Variants in CCNB1IP1 observed in about 807,000 individuals in gnomAD.
CCNB1IP1 encodes cyclin B1 interacting protein 1.
A neutral mutation model predicts 25.6 loss-of-function variants in CCNB1IP1; 14 were observed. The observed-to-expected ratio is 0.55, with a 90% confidence interval of 0.36 to 0.85. CCNB1IP1 has a LOEUF of 0.85. CCNB1IP1 is among the 40% of genes least tolerant of loss of function. CCNB1IP1 has a pLI of 0.01. For missense variants in CCNB1IP1, 278 were observed against 342.4 expected, an observed-to-expected ratio of 0.81 and a Z score of 1.48; for synonymous variants, 119 against 116.1, an observed-to-expected ratio of 1.02 and a Z score of -0.16.
chr14:20,324,189 T>A (rs993545096), intron 4 of CCNB1IP1, among the ~76,000 whole-genome samples: 1 of 152,026 alleles, frequency 6.6e-6, no homozygotes, highest in Non-Finnish European at 1.5e-5. Context: ...AAACAAAGAA[T>A]TTCCTCTTTT....
At chr14:20,315,873 G>A (rs1000090583) in intron 5 of CCNB1IP1, 8 of 603,442 alleles carry the variant, frequency 1.3e-5, no homozygotes, top group Admixed American at 5.9e-5. Flanking sequence ...AGAAAACCCC[G>A]TCTCAAAAGG....
At chr14:20,317,058 G>A (rs770174033) in intron 4 of CCNB1IP1, among the ~76,000 whole-genome samples, 30 of 151,964 alleles carry the variant, frequency 2.0e-4, no homozygotes, top group Non-Finnish European at 3.4e-4. Context: ...GCAGTGAAGT[G>A]AGATCGCATC....
In CCNB1IP1 at chr14:20,313,692, A is replaced by C; in HGVS notation, c.407T>G (p.Leu136Trp). The change falls in exon 6 of 7, where the codon TTG becomes TGG. Residue 136 changes from leucine (L) to tryptophan (W), a missense_variant. Transcript: ENST00000358932. Reference sequence around the variant, plus strand: ...GGTAACCTCCCCTTTCATAGAGGTCAATTCTACATCCTTGCTTTGTATTTG... The same window carrying C: ...GGTAACCTCCCCTTTCATAGAGGTCCATTCTACATCCTTGCTTTGTATTTG... Reference protein sequence around the residue: ...TQQIQSKDVELTSMKGEVTSM... With the variant: ...TQQIQSKDVEWTSMKGEVTSM... 1 of 1,614,164 alleles carries C rather than the reference A, an allele frequency of 6.2e-7. No homozygotes were observed.
intron 4 of CCNB1IP1, chr14:20,320,182 G>T: frequency 8.6e-6 from 3 of 349,178 alleles, no homozygotes; most frequent in Admixed American, 3.7e-5. Flanking sequence ...TTGTACTTAT[G>T]TCTACTCCAA....
chr14:20,313,935 G>C, intron 5 of CCNB1IP1, 134 bp from the exon 6 acceptor site: 1 of 615,784 alleles, frequency 1.6e-6, no homozygotes, highest in Non-Finnish European at 2.6e-6. Flanking sequence ...CCCAGTTTAA[G>C]AAGCAATCAG....
intron 6 of CCNB1IP1, among the ~76,000 whole-genome samples, chr14:20,312,400 G>C (rs918839946): frequency 6.7e-6 from 1 of 149,500 alleles, no homozygotes; most frequent in Non-Finnish European, 1.5e-5. Context: ...TTTTTTTGTA[G>C]AGACAGGGTC....
At chr14:20,321,457 CTT>C (rs35540185) in intron 4 of CCNB1IP1, among the ~76,000 whole-genome samples, 265 of 147,014 alleles carry the variant, frequency 1.8e-3, no homozygotes, top group African/African-American at 5.9e-3. Flanking sequence ...TTTCAAGAAT[CTT>C]TTTTTTTTTT....
intron 6 of CCNB1IP1, 27 bp from the exon 7 acceptor site, chr14:20,311,779 A>C: frequency 6.7e-7 from 1 of 1,493,222 alleles, no homozygotes. Flanking sequence ...GGAAAAACAT[A>C]ATTTTATTCA....
Position 20,316,262 on chromosome 14 carries a change from T to C in CCNB1IP1, c.262A>G (p.Ile88Val), listed in dbSNP as rs778271213. ...AGLRPEIVLDISSRALAFWTY... is the reference protein window; with the variant it reads ...AGLRPEIVLDVSSRALAFWTY... ...CAGAAGGCCAGCGCTCGGGAGCTAATGTCCAACACGATCTCTGGTCGCAGT... is the reference window on the plus strand; with the variant it reads ...CAGAAGGCCAGCGCTCGGGAGCTAACGTCCAACACGATCTCTGGTCGCAGT... Residue 88 changes from isoleucine (I) to valine (V), a missense_variant, in exon 5 of 7, where the codon ATT becomes GTT. Transcript: ENST00000358932. 10 of 1,613,988 alleles carry C rather than the reference T, an allele frequency of 6.2e-6. No individual in the cohort carries two copies. Among genetic ancestry groups the C allele is most frequent in the South Asian group, 4.4e-5 (4 of 91,080 alleles).
chr14:20,311,479 G>A lies in CCNB1IP1; in HGVS notation c.*71C>T. 2 of 1,338,680 alleles carry A rather than the reference G, an allele frequency of 1.5e-6. No individual in the cohort carries two copies. Among genetic ancestry groups the A allele is most frequent in the Non-Finnish European group, 1.1e-6 (1 of 933,672 alleles). 82.9% of individuals were successfully genotyped at this position (1,338,680 alleles called of 1,614,324 possible). A position where few individuals can be genotyped will look rare whatever the true frequency, so the allele number is the denominator to read the frequency against. ...AGATCACTAAAGCCTCAGACTCCTG[G>A]GCTCAAGTGATCCTCCCAGCCTCAA... On this transcript the variant is annotated 3_prime_UTR_variant, in exon 7 of 7. Transcript: ENST00000358932.
Position 20,311,504 on chromosome 14 carries a change from A to T in CCNB1IP1, c.*46T>A, listed in dbSNP as rs1434683077. On this transcript the variant is annotated 3_prime_UTR_variant, in exon 7 of 7. Coordinates refer to ENST00000358932, the MANE Select transcript of CCNB1IP1 (RefSeq NM_021178.5). Reference sequence around the variant, plus strand: ...GGCTCAAGTGATCCTCCCAGCCTCAACCTCCTAAGTAGCTGGGATCACAGG... The same window carrying T: ...GGCTCAAGTGATCCTCCCAGCCTCATCCTCCTAAGTAGCTGGGATCACAGG... The T allele has an allele frequency of 2.6e-6, 4 of 1,536,150 alleles. No individual in the cohort carries two copies. In the African/African-American group the frequency reaches 5.5e-5, roughly 21 times the overall value.
chr14:20,320,208 T>G (rs1405092140), intron 4 of CCNB1IP1: 2 of 413,616 alleles, frequency 4.8e-6, no homozygotes, highest in Non-Finnish European at 9.7e-6. Flanking sequence ...TACTCTTGTT[T>G]TCAATAATTC....
intron 4 of CCNB1IP1, chr14:20,317,925 A>G (rs1430813270): frequency 6.6e-6 from 1 of 152,244 alleles, no homozygotes; most frequent in African/African-American, 2.4e-5. Flanking sequence ...GGTTGCCCCG[A>G]AGCATCCTGG....
intron 5 of CCNB1IP1, chr14:20,315,971 AGAGTGTGT>A (rs1480767602): frequency 8.5e-5 from 40 of 472,580 alleles, no homozygotes; most frequent in South Asian, 5.1e-4. Context: ...GAAGAGAGAG[AGAGTGTGT>A]GAGTGTGTGT....
intron 4 of CCNB1IP1, 75 bp from the exon 5 acceptor site, chr14:20,316,635 G>A: frequency 1.3e-6 from 1 of 747,730 alleles, no homozygotes; most frequent in Non-Finnish European, 2.1e-6. Flanking sequence ...AATATAACAT[G>A]CACGTTTTTA....
chr14:20,316,037 TTA>T (rs1419121666), intron 5 of CCNB1IP1, among the ~76,000 whole-genome samples, 188 bp downstream of exon 5: 2 of 152,204 alleles, frequency 1.3e-5, no homozygotes, highest in African/African-American at 4.8e-5. Context: ...AGTGATGGAA[TTA>T]TGAGTGCTTT....
chr14:20,317,967 A>G (rs1882769254), intron 4 of CCNB1IP1: 1 of 152,264 alleles, frequency 6.6e-6, no homozygotes. Flanking sequence ...TGCGGGCCGC[A>G]GCTCCGGCTA....
At chr14:20,311,777 A>G (rs757865182) in intron 6 of CCNB1IP1, 25 bp from the exon 7 acceptor site, 27 of 1,515,976 alleles carry the variant, frequency 1.8e-5, no homozygotes, top group Admixed American at 5.1e-5. Flanking sequence ...AAGGAAAAAC[A>G]TAATTTTATT....
At chr14:20,333,215 T>C (rs1195817547) in intron 1 of CCNB1IP1, 39 bp downstream of exon 1, 1 of 152,086 alleles carries the variant, frequency 6.6e-6, no homozygotes, top group African/African-American at 2.4e-5. Flanking sequence ...GGAAGAGAAA[T>C]TCAAAACAAT....
Sources: allele counts gnomAD v4.1 joint callset (sites outside exome capture counted in the v4.1 genomes callset), GRCh38; gene constraint gnomAD v4.1.1; transcripts MANE v1.5; gene names NCBI Gene and HGNC (gene_info 2026-07-23, HGNC 2026-07-21).